CCDC73: variants seen among roughly 807,000 people sequenced by gnomAD.
CCDC73 encodes the protein coiled-coil domain-containing protein 73.
In CCDC73, 95 loss-of-function variants were observed where a neutral mutation model predicts 116.5. That is an observed-to-expected ratio of 0.82 (90% CI 0.69 to 0.97). The LOEUF is 0.97. CCDC73 is among the 50% of genes least tolerant of loss of function. CCDC73 has a pLI of 0.00. For missense variants in CCDC73, 1,066 were observed against 1,206.8 expected (o/e 0.88, Z 1.73); for synonymous variants, 398 against 401.3 (o/e 0.99, Z 0.10).
intron 3 of CCDC73, among the ~76,000 whole-genome samples, chr11:32,713,140 A>C (rs1849916646): frequency 6.6e-6 from 1 of 152,078 alleles, no homozygotes; most frequent in Admixed American, 6.6e-5. Flanking sequence ...TTTACATGTA[A>C]TCTTGTTTGT....
At chr11:32,787,989 C>T (rs1281679426) in intron 1 of CCDC73, among the ~76,000 whole-genome samples, 2 of 152,110 alleles carry the variant, frequency 1.3e-5, no homozygotes, top group African/African-American at 4.8e-5. Flanking sequence ...AAGTGCCAAG[C>T]TGGAACTGAT....
At chr11:32,822,721 A>G in the CCDC73 span, among the ~76,000 whole-genome samples, 1 of 152,104 alleles carries the variant, frequency 6.6e-6, no homozygotes, top group Non-Finnish European at 1.5e-5. Context: ...TGAGAATCAT[A>G]AGAAAAAATT....
At chr11:32,605,138 C>T (rs1228602212) in intron 17 of CCDC73, 2 of 151,738 alleles carry the variant, frequency 1.3e-5, no homozygotes, top group Non-Finnish European at 2.9e-5. Context: ...AGGCATGAGC[C>T]ACCCTGCCCG....
chr11:32,748,483 TC>T (rs1286821786), intron 2 of CCDC73, among the ~76,000 whole-genome samples: 1 of 152,224 alleles, frequency 6.6e-6, no homozygotes, highest in African/African-American at 2.4e-5. Flanking sequence ...TTTTGTTGTT[TC>T]CATTCATATC....
chr11:32,696,215 T>G (rs1222407393), intron 6 of CCDC73, among the ~76,000 whole-genome samples: 2 of 152,168 alleles, frequency 1.3e-5, no homozygotes, highest in African/African-American at 4.8e-5. Context: ...TAACCATAAT[T>G]AAGTTTTCCA....
intron 9 of CCDC73, among the ~76,000 whole-genome samples, chr11:32,664,334 A>G (rs1297224605): frequency 1.3e-5 from 2 of 152,280 alleles, no homozygotes; most frequent in African/African-American, 2.4e-5. Flanking sequence ...TTGGTAGGCT[A>G]TTAATTACTA....
chr11:32,808,259 G>A, the CCDC73 span, among the ~76,000 whole-genome samples: 1 of 152,078 alleles, frequency 6.6e-6, no homozygotes, highest in Admixed American at 6.6e-5. Flanking sequence ...CGGAAAAGAA[G>A]GAATAACCAA....
intron 9 of CCDC73, among the ~76,000 whole-genome samples, chr11:32,658,684 G>A (rs932892226): frequency 1.3e-5 from 2 of 152,080 alleles, no homozygotes; most frequent in Admixed American, 6.5e-5. Flanking sequence ...CTTGAGAAAA[G>A]AACACTGGCT....
intron 14 of CCDC73, among the ~76,000 whole-genome samples, chr11:32,621,720 C>G (rs562063924): frequency 6.6e-6 from 1 of 152,268 alleles, no homozygotes; most frequent in South Asian, 2.1e-4. Flanking sequence ...TCAGAGTGAA[C>G]AGGCAACCTA....
At chr11:32,639,279 T>A (rs1855710213) in intron 13 of CCDC73, among the ~76,000 whole-genome samples, 1 of 152,174 alleles carries the variant, frequency 6.6e-6, no homozygotes, top group Non-Finnish European at 1.5e-5. Context: ...ACTTTGTTAA[T>A]AATGCTAAAA....
At chr11:32,673,190 T>G (rs1413536964) in intron 9 of CCDC73, among the ~76,000 whole-genome samples, 1 of 152,100 alleles carries the variant, frequency 6.6e-6, no homozygotes, top group Non-Finnish European at 1.5e-5. Context: ...CATATGTCAT[T>G]AGGGAATTGC....
At chr11:32,760,067 A>C in intron 2 of CCDC73, 42 bp downstream of exon 2, 1 of 1,504,976 alleles carries the variant, frequency 6.6e-7, no homozygotes, top group Non-Finnish European at 9.1e-7. Context: ...GAACAAAATC[A>C]AGTTTTCTTA....
chr11:32,733,851 T>C (rs1432386610), intron 2 of CCDC73, among the ~76,000 whole-genome samples: 1 of 151,916 alleles, frequency 6.6e-6, no homozygotes, highest in African/African-American at 2.4e-5. Flanking sequence ...AACATCACAA[T>C]TAAAAGAACT....
intron 3 of CCDC73, among the ~76,000 whole-genome samples, chr11:32,716,366 T>C (rs981769891): frequency 2.0e-5 from 3 of 152,208 alleles, no homozygotes; most frequent in African/African-American, 7.2e-5. Flanking sequence ...TAGATTCTGT[T>C]GTGTTCTACT....
At chr11:32,635,878 A>G in intron 13 of CCDC73, 48 bp from the exon 14 acceptor site, 1 of 1,011,000 alleles carries the variant, frequency 9.9e-7, no homozygotes, top group Non-Finnish European at 1.3e-6. Flanking sequence ...AAGTATATAA[A>G]TATGTTTTGT....
rs1565064397 is a variant in CCDC73 at position 32,642,043 on chromosome 11, T to C, written c.979A>G (p.Lys327Glu). ...RDNELQREKVKENEEKFLNLQ... is the reference protein window; with the variant it reads ...RDNELQREKVEENEEKFLNLQ... ...TTAAGAAACTTTTCTTCATTTTCTT[T>C]TACCTTCTCCCTTTGCAGCTCATTA... The change falls in exon 13 of 18, where the codon AAA becomes GAA. Residue 327 changes from lysine to glutamate, a missense_variant. Transcript: ENST00000335185. 1 of 1,574,550 alleles carries C rather than the reference T, an allele frequency of 6.4e-7. No homozygotes were observed. The highest frequency in any genetic ancestry group is 2.3e-5 in the East Asian group (1 of 42,990).
chr11:32,797,218 A>G (rs1299269948), upstream of CCDC73, among the ~76,000 whole-genome samples: 3 of 152,052 alleles, frequency 2.0e-5, no homozygotes, highest in Non-Finnish European at 4.4e-5. Flanking sequence ...AGGCTGAGGC[A>G]GAAGGATCAC....
At chr11:32,750,312 G>C (rs1850276322) in intron 2 of CCDC73, among the ~76,000 whole-genome samples, 1 of 152,134 alleles carries the variant, frequency 6.6e-6, no homozygotes, top group African/African-American at 2.4e-5. Context: ...ACAGCACTGG[G>C]TCTTACCCAA....
chr11:32,617,175 T>C (rs932039469), intron 14 of CCDC73, among the ~76,000 whole-genome samples: 18 of 152,088 alleles, frequency 1.2e-4, no homozygotes, highest in African/African-American at 3.9e-4. Flanking sequence ...GGGCCTAACA[T>C]TGGCATGTTA....
Sources: allele counts gnomAD v4.1 joint callset (sites outside exome capture counted in the v4.1 genomes callset), GRCh38; gene constraint gnomAD v4.1.1; transcripts MANE v1.5; gene names NCBI Gene and HGNC (gene_info 2026-07-23, HGNC 2026-07-21).